Variants in KCNQ5 observed in about 807,000 individuals in gnomAD.
KCNQ5 encodes the protein potassium voltage-gated channel subfamily KQT member 5.
In KCNQ5, 30 loss-of-function variants were observed where a neutral mutation model predicts 98.2. The ratio of observed to expected loss-of-function variants is 0.31; its 90% CI spans 0.23 to 0.41. KCNQ5 has a LOEUF of 0.41. KCNQ5 is among the 10% of genes least tolerant of loss of function. The pLI is 1.00. For missense variants in KCNQ5, 835 were observed against 1,182.5 expected (o/e 0.71, Z 4.31); for synonymous variants, 458 against 449.4 (o/e 1.02, Z -0.24).
chr6:72,920,072 T>C (rs1354101100), intron 1 of KCNQ5, among the ~76,000 whole-genome samples: 1 of 152,046 alleles, frequency 6.6e-6, no homozygotes, highest in Non-Finnish European at 1.5e-5. Context: ...GAGGCCGAGG[T>C]GGGTGGATCA....
At chr6:73,083,430 G>A (rs1230748151) in intron 5 of KCNQ5, among the ~76,000 whole-genome samples, 1 of 151,920 alleles carries the variant, frequency 6.6e-6, no homozygotes, top group Non-Finnish European at 1.5e-5. Context: ...TAAATATTTA[G>A]GACTCTGTTC....
chr6:72,705,098 T>A (rs962242096), intron 1 of KCNQ5, among the ~76,000 whole-genome samples: 1 of 152,186 alleles, frequency 6.6e-6, no homozygotes, highest in Non-Finnish European at 1.5e-5. Context: ...CTGATATGCT[T>A]TCCTTGGTGT....
At chr6:72,839,912 A>G (rs183770685) in intron 1 of KCNQ5, among the ~76,000 whole-genome samples, 3 of 152,150 alleles carry the variant, frequency 2.0e-5, no homozygotes, top group Non-Finnish European at 2.9e-5. Context: ...ATATCAGTGC[A>G]TGGGTGGTTC....
chr6:72,734,811 C>T (rs1347415288), intron 1 of KCNQ5, among the ~76,000 whole-genome samples: 1 of 152,092 alleles, frequency 6.6e-6, no homozygotes, highest in Non-Finnish European at 1.5e-5. Context: ...CCAGTTTAGG[C>T]CCTGTAGTAA....
intron 10 of KCNQ5, among the ~76,000 whole-genome samples, chr6:73,158,634 T>C (rs1015328566): frequency 3.9e-5 from 6 of 152,116 alleles, no homozygotes; most frequent in Non-Finnish European, 8.8e-5. Context: ...GTATACATTA[T>C]TTTTGTGATG....
intron 11 of KCNQ5, among the ~76,000 whole-genome samples, chr6:73,174,404 G>A (rs1019947513): frequency 6.6e-6 from 1 of 152,166 alleles, no homozygotes; most frequent in Admixed American, 6.5e-5. Context: ...GAAGAGAAAT[G>A]ACCAAGACGC....
intron 1 of KCNQ5, among the ~76,000 whole-genome samples, chr6:72,632,138 C>CTTTTTTTTTTTTT (rs71540354): frequency 3.9e-5 from 5 of 127,670 alleles, no homozygotes; most frequent in Non-Finnish European, 6.4e-5. Flanking sequence ...TTCTTTCTTT[C>CTTTTTTTTTTTTT]TTTTTTTTTT....
chr6:72,871,949 T>C (rs1004966374), intron 1 of KCNQ5, among the ~76,000 whole-genome samples: 11 of 152,134 alleles, frequency 7.2e-5, no homozygotes, highest in Non-Finnish European at 1.6e-4. Flanking sequence ...CTTTCCTCCC[T>C]CTTCCAGGAT....
chr6:72,941,693 T>C (rs1213484504), intron 1 of KCNQ5, among the ~76,000 whole-genome samples: 1 of 264 alleles, frequency 3.8e-3, no homozygotes, highest in Non-Finnish European at 0.012. Context: ...TCTTTCTTTC[T>C]TTCTTTCTTT....
intron 1 of KCNQ5, among the ~76,000 whole-genome samples, chr6:72,727,939 G>A (rs926949415): frequency 1.3e-5 from 2 of 152,136 alleles, no homozygotes; most frequent in African/African-American, 2.4e-5. Context: ...CTTGGGCCAG[G>A]AGCTATATGA....
intron 1 of KCNQ5, among the ~76,000 whole-genome samples, chr6:72,709,853 T>A (rs573719047): frequency 1.2e-4 from 19 of 152,222 alleles, no homozygotes; most frequent in Admixed American, 3.9e-4. Flanking sequence ...GTGTTATGAA[T>A]CTGTACTAGA....
chr6:72,860,608 T>C (rs1292882423), intron 1 of KCNQ5, among the ~76,000 whole-genome samples: 1 of 152,202 alleles, frequency 6.6e-6, no homozygotes, highest in African/African-American at 2.4e-5. Flanking sequence ...CTTTTTTTAA[T>C]TATCAAGGTC....
At chr6:73,054,151 T>C (rs1168132161) in intron 3 of KCNQ5, among the ~76,000 whole-genome samples, 3 of 152,052 alleles carry the variant, frequency 2.0e-5, no homozygotes, top group Admixed American at 6.6e-5. Context: ...CAGGAAGAAA[T>C]TGAATCCTGG....
At chr6:73,101,822 C>T (rs1316957064) in intron 5 of KCNQ5, among the ~76,000 whole-genome samples, 1 of 152,120 alleles carries the variant, frequency 6.6e-6, no homozygotes, top group Non-Finnish European at 1.5e-5. Context: ...TTCCATATTT[C>T]TCAAAGCAAT....
chr6:72,681,348 C>G (rs772192137), intron 1 of KCNQ5, among the ~76,000 whole-genome samples: 3 of 151,782 alleles, frequency 2.0e-5, no homozygotes, highest in Non-Finnish European at 4.4e-5. Flanking sequence ...CTGTTGGGCT[C>G]TTTGCATCTA....
chr6:72,759,059 A>C (rs9688588), intron 1 of KCNQ5, among the ~76,000 whole-genome samples: 1 of 152,168 alleles, frequency 6.6e-6, no homozygotes, highest in East Asian at 1.9e-4. Flanking sequence ...TGGACAAAAA[A>C]CCTTGAAGTC....
At chr6:72,900,661 A>G (rs1779464009) in intron 1 of KCNQ5, among the ~76,000 whole-genome samples, 1 of 151,782 alleles carries the variant, frequency 6.6e-6, no homozygotes, top group South Asian at 2.1e-4. Flanking sequence ...TTCACTGGGT[A>G]GATACCCAGT....
intron 5 of KCNQ5, among the ~76,000 whole-genome samples, chr6:73,104,892 G>A (rs1359645103): frequency 6.6e-6 from 1 of 152,172 alleles, no homozygotes; most frequent in African/African-American, 2.4e-5. Flanking sequence ...GCCTGCTAAG[G>A]TAACGAAGGG....
At chr6:72,653,579 T>C (rs532662976) in intron 1 of KCNQ5, among the ~76,000 whole-genome samples, 73 of 152,234 alleles carry the variant, frequency 4.8e-4, no homozygotes, top group African/African-American at 1.7e-3. Flanking sequence ...ACTGCATGAA[T>C]GCCAATCTCT....
Sources: gnomAD v4.1 joint callset for allele counts (sites outside exome capture counted in the v4.1 genomes callset) on GRCh38, gnomAD v4.1.1 for gene constraint, MANE v1.5 for transcripts, NCBI Gene and HGNC (gene_info 2026-07-23, HGNC 2026-07-21) for gene names.